Variants in NSUN7 observed in about 807,000 individuals in gnomAD.
The protein encoded by NSUN7 is NOP2/Sun RNA methyltransferase family member 7, also known as protein NSUN7.
NSUN7 carries 39 observed loss-of-function variants against 58.5 expected under a neutral mutation model. The ratio of observed to expected loss-of-function variants is 0.67; its 90% CI spans 0.52 to 0.87. The LOEUF is 0.87. Among genes scored for constraint, NSUN7 ranks in the 40% least tolerant of loss-of-function variants. NSUN7 has a pLI of 0.00. For missense variants in NSUN7, 765 were observed against 844.1 expected, an observed-to-expected ratio of 0.91 and a Z score of 1.16; for synonymous variants, 278 against 303.7, an observed-to-expected ratio of 0.92 and a Z score of 0.88.
chr4:40,784,066 A>G (rs1419948582), intron 7 of NSUN7, among the ~76,000 whole-genome samples: 1 of 152,218 alleles, frequency 6.6e-6, no homozygotes, highest in Non-Finnish European at 1.5e-5. Context: ...ATCATTAGGG[A>G]ACTGCAAATC....
At chr4:40,760,025 AAG>A (rs1741372959) in intron 2 of NSUN7, among the ~76,000 whole-genome samples, 1 of 152,166 alleles carries the variant, frequency 6.6e-6, no homozygotes, top group Admixed American at 6.5e-5. Context: ...ATGACAGAGC[AAG>A]ACTCTGTCTC....
At chr4:40,760,523 T>A in intron 3 of NSUN7, 31 bp downstream of exon 3, 1 of 1,502,620 alleles carries the variant, frequency 6.7e-7, no homozygotes, top group Non-Finnish European at 9.1e-7. Context: ...ATTACATCGT[T>A]TCATGATTTT....
chr4:40,780,208 A>G (rs897088742), intron 7 of NSUN7, among the ~76,000 whole-genome samples: 2 of 152,204 alleles, frequency 1.3e-5, no homozygotes, highest in African/African-American at 2.4e-5. Flanking sequence ...TGAACCCCAG[A>G]CGCAGAGGTT....
intron 11 of NSUN7, among the ~76,000 whole-genome samples, chr4:40,807,568 T>G (rs1743862563): frequency 6.6e-6 from 1 of 152,014 alleles, no homozygotes; most frequent in Non-Finnish European, 1.5e-5. Flanking sequence ...CAGGCTGGTC[T>G]TGAACTCGAC....
At chr4:40,799,079 T>TTTTTTG (rs1560563845) in intron 10 of NSUN7, among the ~76,000 whole-genome samples, 175 bp downstream of exon 10, 1 of 18,320 alleles carries the variant, frequency 5.5e-5, no homozygotes, top group Admixed American at 7.5e-4. Context: ...TTTTCTTTTT[T>TTTTTTG]TTTTTTTTTT....
rs1741449812 is a variant in NSUN7 at position 40,761,232 on chromosome 4, A to C, written c.419A>C (p.Gln140Pro). 6.3e-7 allele frequency: 1 copy of C among 1,587,870 alleles called. No individual in the cohort carries two copies. The highest frequency in any genetic ancestry group is 1.4e-5 in the African/African-American group (1 of 72,886). The change falls in exon 4 of 12, where the codon CAA becomes CCA. Residue 140 changes from glutamine to proline, a missense_variant. Transcript: ENST00000381782. ...TATGATTTCCAAGATAGAAAATTTC[A>C]AACTCGTGTCCTTTCTGATAATGAA... ...MLYDFQDRKF[Q>P]TRVLSDNEEP...
In NSUN7 at chr4:40,775,822, TAGAC is replaced by T. The variant is rs1211137851; in HGVS notation, c.826-224_826-221del. Reference sequence around the variant, plus strand: ...TTCTGGCATTGCTTTATACAAAACTTAGACAGTAACAGTCATAATTTAGGCTAAA... The same window carrying T: ...TTCTGGCATTGCTTTATACAAAACTTAGTAACAGTCATAATTTAGGCTAAA... On this transcript the variant is annotated intron_variant, in intron 6 of 11. Coordinates refer to ENST00000381782, the MANE Select transcript of NSUN7 (RefSeq NM_024677.6). This position sits in a 1 kb window ranked among gnomAD's most constrained non-coding sequence, Gnocchi z 4.3. Among the ~76,000 whole-genome samples the T allele has an allele frequency of 2.6e-5, 4 of 152,220 alleles. No homozygotes were observed. Among genetic ancestry groups the T allele is most frequent in the South Asian group, 2.1e-4 (1 of 4,836 alleles).
At chr4:40,803,401 C>T (rs1035180150) in intron 10 of NSUN7, among the ~76,000 whole-genome samples, 14 of 152,128 alleles carry the variant, frequency 9.2e-5, no homozygotes, top group African/African-American at 2.7e-4. Context: ...ACAGTCCCAC[C>T]GACAGTGTTA....
chr4:40,785,516 T>C (rs1742774558), intron 7 of NSUN7, among the ~76,000 whole-genome samples: 1 of 152,090 alleles, frequency 6.6e-6, no homozygotes, highest in Non-Finnish European at 1.5e-5. Context: ...CGTGCCACCA[T>C]GGCCAGCTAA....
Position 40,808,950 on chromosome 4 carries a change from T to G in NSUN7, c.*11T>G. ...CGGCGATGGCTTTGATTGTCTTGTG[T>G]TTTTTATAGGGGCCAAAGAGCAGTT... On this transcript the variant is annotated 3_prime_UTR_variant, in exon 12 of 12. Transcript: ENST00000381782. The G allele has an allele frequency of 6.7e-7, 1 of 1,502,868 alleles. No homozygotes were observed. The highest frequency in any genetic ancestry group is 1.4e-5 in the African/African-American group (1 of 71,330). The allele number at this position is 1,502,868 out of a possible 1,614,324, so 93.1% of individuals were successfully genotyped here.
At chr4:40,808,142 T>C (rs1019491013) in intron 11 of NSUN7, 165 bp from the exon 12 acceptor site, 5 of 613,948 alleles carry the variant, frequency 8.1e-6, no homozygotes, top group Admixed American at 4.1e-5. Flanking sequence ...AAAAAGGCAT[T>C]CGCTGAGGCT....
At chr4:40,806,532 T>C (rs1743813556) in intron 10 of NSUN7, among the ~76,000 whole-genome samples, 1 of 152,224 alleles carries the variant, frequency 6.6e-6, no homozygotes, top group Non-Finnish European at 1.5e-5. Context: ...GTCTTTGTTA[T>C]GTACTTTCTT....
chr4:40,771,747 A>G (rs950275121), intron 4 of NSUN7, among the ~76,000 whole-genome samples: 2 of 147,858 alleles, frequency 1.4e-5, no homozygotes, highest in African/African-American at 4.9e-5. Context: ...ATAAATATAT[A>G]ATTATATTAT....
intron 4 of NSUN7, among the ~76,000 whole-genome samples, chr4:40,774,018 G>A (rs531567514): frequency 7.2e-5 from 11 of 152,202 alleles, no homozygotes; most frequent in South Asian, 2.1e-4. Context: ...GGCTGGTCTC[G>A]AACACCTGAC....
At chr4:40,773,457 C>T (rs921275314) in intron 4 of NSUN7, among the ~76,000 whole-genome samples, 2 of 151,870 alleles carry the variant, frequency 1.3e-5, no homozygotes, top group African/African-American at 2.4e-5. Context: ...CTGAGGCGGG[C>T]GGATCACTTG....
At chr4:40,799,618 C>T (rs1026734422) in intron 10 of NSUN7, among the ~76,000 whole-genome samples, 1 of 151,986 alleles carries the variant, frequency 6.6e-6, no homozygotes, top group Non-Finnish European at 1.5e-5. Flanking sequence ...AGACAGAATC[C>T]ATAATTCTAT....
chr4:40,800,081 T>C (rs967219795), intron 10 of NSUN7, among the ~76,000 whole-genome samples: 1 of 152,260 alleles, frequency 6.6e-6, no homozygotes, highest in African/African-American at 2.4e-5. Context: ...TAATCGATAT[T>C]GTCAAATTAC....
At chr4:40,754,110 T>C (rs1463881455) in intron 2 of NSUN7, among the ~76,000 whole-genome samples, 1 of 151,900 alleles carries the variant, frequency 6.6e-6, no homozygotes, top group Non-Finnish European at 1.5e-5. Context: ...TTTTATGTAG[T>C]GGATTTTCCA....
intron 5 of NSUN7, 73 bp downstream of exon 5, chr4:40,774,490 C>G (rs1215419293): frequency 6.8e-7 from 1 of 1,471,930 alleles, no homozygotes; most frequent in African/African-American, 1.4e-5. Context: ...GAAGCATTAC[C>G]TTTTTAAGAG....
Sources: allele counts gnomAD v4.1 joint callset (sites outside exome capture counted in the v4.1 genomes callset), GRCh38; gene constraint gnomAD v4.1.1; non-coding constraint Gnocchi (gnomAD v3.1); transcripts MANE v1.5; gene names NCBI Gene and HGNC (gene_info 2026-07-23, HGNC 2026-07-21).